PRH1: variants seen among roughly 807,000 people sequenced by gnomAD.
The protein encoded by PRH1 is salivary acidic proline-rich phosphoprotein 1/2.
In PRH1, 7 loss-of-function variants were observed where a neutral mutation model predicts 7.9. The ratio of observed to expected loss-of-function variants is 0.89; its 90% confidence interval spans 0.50 to 1.67. The LOEUF is 1.67. Ranked by LOEUF, PRH1 falls within the 40% of genes most tolerant of loss-of-function variation. The pLI is 0.00. For synonymous variants in PRH1, 45 were observed against 80.8 expected, an observed-to-expected ratio of 0.56 and a Z score of 2.38; for missense variants, 109 against 223.6, an observed-to-expected ratio of 0.49 and a Z score of 3.27.
At chr12:11,148,091 C>T (rs906391705) in intron 1 of PRH1, among the ~76,000 whole-genome samples, 1 of 144,722 alleles carries the variant, frequency 6.9e-6, no homozygotes, top group African/African-American at 2.5e-5. Context: ...CTCTGTTTGT[C>T]TGTTATTGGT....
chr12:11,041,288 C>CAAAA (rs67144212), intron 1 of PRH1, among the ~76,000 whole-genome samples: 3 of 81,374 alleles, frequency 3.7e-5, no homozygotes, highest in African/African-American at 1.1e-4. Flanking sequence ...CAATGCAAAC[C>CAAAA]AAAAAAAAAA....
chr12:10,941,217 A>G (rs1273241845), intron 2 of PRH1, among the ~76,000 whole-genome samples: 1 of 152,220 alleles, frequency 6.6e-6, no homozygotes, highest in East Asian at 1.9e-4. Context: ...AGTGAGAGCT[A>G]CAATAACCCC....
At chr12:10,923,990 G>GTTTTTTTTTTTTTTTTTTTT (rs35612831) in intron 2 of PRH1, among the ~76,000 whole-genome samples, 1 of 89,458 alleles carries the variant, frequency 1.1e-5, no homozygotes, top group African/African-American at 5.1e-5. Context: ...TTCTCCATCT[G>GTTTTTTTTTTTTTTTTTTTT]TTTTTTTTTT....
chr12:10,991,109 C>T (rs1727693358), intron 1 of PRH1, among the ~76,000 whole-genome samples: 1 of 152,144 alleles, frequency 6.6e-6, no homozygotes, highest in African/African-American at 2.4e-5. Context: ...ATATTGGCAT[C>T]AACAGCACAC....
At chr12:10,981,926 C>T (rs1455755880) in intron 1 of PRH1, among the ~76,000 whole-genome samples, 1 of 150,278 alleles carries the variant, frequency 6.7e-6, no homozygotes, top group Non-Finnish European at 1.5e-5. Context: ...AACTCTCAGC[C>T]TAAAGTGATC....
intron 1 of PRH1, among the ~76,000 whole-genome samples, chr12:11,009,917 T>C (rs568971340): frequency 4.6e-5 from 7 of 151,978 alleles, no homozygotes; most frequent in Non-Finnish European, 8.8e-5. Context: ...TTGAACTCCA[T>C]CATTACCCAA....
chr12:11,023,776 A>T (rs1314864509), intron 1 of PRH1, among the ~76,000 whole-genome samples: 1 of 152,270 alleles, frequency 6.6e-6, no homozygotes, highest in African/African-American at 2.4e-5. Flanking sequence ...AACTAGCGGC[A>T]AGATGCAGTA....
At chr12:11,094,387 G>C (rs1287328505) in intron 1 of PRH1, among the ~76,000 whole-genome samples, 1 of 110,620 alleles carries the variant, frequency 9.0e-6, no homozygotes, top group East Asian at 2.1e-4. Flanking sequence ...GTTTTCTCCT[G>C]CACAAAAACA....
chr12:11,112,433 C>A (rs765290124), intron 1 of PRH1, among the ~76,000 whole-genome samples: 1 of 152,122 alleles, frequency 6.6e-6, no homozygotes, highest in African/African-American at 2.4e-5. Context: ...AATCCAGCAG[C>A]ATATAAAAAG....
At chr12:10,941,540 T>A (rs1385639703) in intron 2 of PRH1, among the ~76,000 whole-genome samples, 3 of 148,154 alleles carry the variant, frequency 2.0e-5, no homozygotes, top group Non-Finnish European at 4.5e-5. Context: ...TTGAATTTAT[T>A]TATTATTAAA....
intron 1 of PRH1, among the ~76,000 whole-genome samples, chr12:10,974,528 C>A (rs982853423): frequency 6.6e-6 from 1 of 152,120 alleles, no homozygotes; most frequent in Non-Finnish European, 1.5e-5. Context: ...CTGAGCTGAT[C>A]CTTGGCACCC....
intron 1 of PRH1, among the ~76,000 whole-genome samples, chr12:10,995,841 C>G (rs1940199445): frequency 6.6e-6 from 1 of 152,070 alleles, no homozygotes; most frequent in Non-Finnish European, 1.5e-5. Context: ...GAAAAGAGCT[C>G]ATGATCATGT....
chr12:10,932,438 T>TG (rs903231301), intron 2 of PRH1: 11 of 169,432 alleles, frequency 6.5e-5, no homozygotes, highest in Non-Finnish European at 1.1e-4. Flanking sequence ...GCTTCTTTCC[T>TG]CCTTATCCTT....
rs1944155353 is a variant in PRH1 at position 11,073,210 on chromosome 12, C to A, written n.124-26022G>T. 2.5e-5 allele frequency among the ~76,000 whole-genome samples: 3 copies of A among 121,320 alleles called. 1 individual carries two copies. The highest frequency in any genetic ancestry group is 1.9e-5 in the Non-Finnish European group (1 of 51,480). The allele number at this position is 121,320 out of a possible 152,430, so 79.6% of individuals were successfully genotyped here. A position where few individuals can be genotyped will look rare whatever the true frequency, so the allele number is the denominator to read the frequency against. On this transcript the variant is annotated intron_variant and non_coding_transcript_variant, in intron 1 of 4. Coordinates refer to the PRH1 transcript ENST00000541977. ...GCACTGGTGCCATCTCGGCTCACTG[C>A]AAACTTCGCCTCCTGGGTTCAATCA...
At chr12:11,048,352 TTCAC>T, upstream of PRH1, 2 of 288,030 alleles carry the variant, frequency 6.9e-6, no homozygotes, top group Non-Finnish European at 7.0e-6. Context: ...TTTCTGTCCT[TTCAC>T]TCAGCATTTC....
At position 11,087,545 on chromosome 12, in the gene PRH1, C is replaced by T. The variant is rs186154224; in HGVS notation, n.124-40357G>A. On this transcript the variant is annotated intron_variant and non_coding_transcript_variant, in intron 1 of 4. Coordinates refer to the PRH1 transcript ENST00000541977. The stretch of plus-strand genomic sequence containing the variant: ...CAGCTGGCAGGACACTCACATTATT[C>T]GTGAACTGTGGAGTAAGGGACATTA... 6.3e-4 allele frequency among the ~76,000 whole-genome samples: 73 copies of T among 116,490 alleles called. 16 individuals are homozygous for T. The highest frequency in any genetic ancestry group is 4.2e-3 in the Admixed American group (49 of 11,676). The allele number at this position is 116,490 out of a possible 152,430, so 76.4% of individuals were successfully genotyped here. A position where few individuals can be genotyped will look rare whatever the true frequency, so the allele number is the denominator to read the frequency against.
intron 1 of PRH1, among the ~76,000 whole-genome samples, chr12:10,999,830 C>T (rs775638246): frequency 2.3e-4 from 35 of 152,214 alleles, no homozygotes; most frequent in Non-Finnish European, 4.4e-4. Flanking sequence ...GTGTGTTCTT[C>T]TTGTTCATGG....
rs555026858 is a variant in PRH1 at position 11,030,243 on chromosome 12, ATT to A, written c.-126+16775_-126+16776del. On this transcript the variant is annotated intron_variant, in intron 1 of 3. Transcript: ENST00000539853. The stretch of plus-strand genomic sequence containing the variant: ...CACACATAAACACACACATATATAT[ATT>A]TTTTTTTCTAGACTAATATTAGGTC... 177 of 1,085,956 alleles carry A rather than the reference ATT, an allele frequency of 1.6e-4. 2 individuals carry two copies. Among genetic ancestry groups the A allele is most frequent in the East Asian group, 6.7e-4 (25 of 37,202 alleles). The allele number at this position is 1,085,956 out of a possible 1,614,324, so 67.3% of individuals were successfully genotyped here.
intron 1 of PRH1, among the ~76,000 whole-genome samples, chr12:11,090,184 T>C (rs1280719369): frequency 2.1e-4 from 22 of 103,098 alleles, no homozygotes; most frequent in East Asian, 4.7e-4. Context: ...TCATCATTGA[T>C]GACAAAATTA....
Sources: gnomAD v4.1 joint callset for allele counts (sites outside exome capture counted in the v4.1 genomes callset) on GRCh38, gnomAD v4.1.1 for gene constraint, MANE v1.5 for transcripts, NCBI Gene and HGNC (gene_info 2026-07-23, HGNC 2026-07-21) for gene names.